PRKG1: variants seen among roughly 807,000 people sequenced by gnomAD.
The protein encoded by PRKG1 is cGMP-dependent protein kinase 1.
Under a neutral mutation model 88.1 loss-of-function variants are expected in PRKG1, and 35 were observed. The observed-to-expected ratio is 0.40, with a 90% CI of 0.30 to 0.53. The LOEUF is 0.53. Among genes scored for constraint, PRKG1 ranks in the 20% least tolerant of loss-of-function variants. The pLI is 0.59. For synonymous variants in PRKG1, 303 were observed against 292.5 expected (o/e 1.04, Z -0.37); for missense variants, 540 against 839.8 (o/e 0.64, Z 4.41).
chr10:51,602,948 G>C (rs534370629), intron 3 of PRKG1, among the ~76,000 whole-genome samples: 1 of 151,608 alleles, frequency 6.6e-6, no homozygotes, highest in African/African-American at 2.4e-5. Context: ...TTAACTTTTG[G>C]ATGAAATAAT....
intron 3 of PRKG1, among the ~76,000 whole-genome samples, chr10:51,546,305 G>A (rs1442235248): frequency 6.6e-6 from 1 of 151,972 alleles, no homozygotes; most frequent in African/African-American, 2.4e-5. Context: ...GAGTGACTAA[G>A]TAGTCGTCAT....
rs755475993 is a variant in PRKG1, at chr10:51,074,930, G to A, written c.311+29G>A. ...AGCAGGGGTGACGCGCCGGGTCCAT[G>A]TGGCGCCCTGGCGATGGGGAGCTGC... On this transcript the variant is annotated intron_variant, in intron 1 of 17. Transcript: ENST00000373980. The A allele has an allele frequency of 1.9e-6, 3 of 1,557,466 alleles. No homozygotes were observed. In the African/African-American group the frequency reaches 4.1e-5, roughly 21 times the overall value.
chr10:51,175,447 A>G (rs1421948672), intron 2 of PRKG1, among the ~76,000 whole-genome samples: 1 of 152,020 alleles, frequency 6.6e-6, no homozygotes. Flanking sequence ...TATCAAACAT[A>G]ATTTTATACT....
intron 5 of PRKG1, among the ~76,000 whole-genome samples, chr10:52,031,658 T>A (rs1845477550): frequency 6.6e-6 from 1 of 152,226 alleles, no homozygotes; most frequent in African/African-American, 2.4e-5. Context: ...TTATGCGTTC[T>A]AAGCATAAAG....
intron 2 of PRKG1, among the ~76,000 whole-genome samples, chr10:51,207,716 G>A (rs980235627): frequency 2.0e-5 from 3 of 152,116 alleles, no homozygotes; most frequent in Admixed American, 6.6e-5. Context: ...TTACAAGTAA[G>A]TGGAAGCCAA....
chr10:51,070,856 A>G (rs1231086977), upstream of PRKG1, among the ~76,000 whole-genome samples: 1 of 152,202 alleles, frequency 6.6e-6, no homozygotes, highest in Non-Finnish European at 1.5e-5. Context: ...AAAAAGGAAG[A>G]CTGCTGAAAA....
At chr10:51,758,154 G>A (rs1046644383) in intron 3 of PRKG1, among the ~76,000 whole-genome samples, 2 of 152,258 alleles carry the variant, frequency 1.3e-5, no homozygotes, top group East Asian at 3.9e-4. Context: ...TAAACTATGT[G>A]CTTATGTGAT....
At chr10:51,636,297 G>A (rs1839654426) in intron 3 of PRKG1, among the ~76,000 whole-genome samples, 1 of 152,120 alleles carries the variant, frequency 6.6e-6, no homozygotes, top group Non-Finnish European at 1.5e-5. Flanking sequence ...AGCTTCTTCA[G>A]CAGTCAGCTA....
In PRKG1 at chr10:52,054,471, T is replaced by C. The variant is rs769797166; in HGVS notation, c.763-13T>C. 3.7e-6 allele frequency: 6 copies of C among 1,608,240 alleles called. No individual in the cohort carries two copies. In the East Asian group the frequency reaches 1.3e-4, roughly 36 times the overall value. On this transcript the variant is annotated splice_polypyrimidine_tract_variant and intron_variant, in intron 5 of 17. Coordinates refer to ENST00000373980, the MANE Select transcript of PRKG1 (RefSeq NM_006258.4). ...CTTGCTTAATTTTTTTTCTTATTGT[T>C]TCTACTTTTCAGACCCACTATGAAA...
chr10:51,649,108 C>T (rs1037126004), intron 3 of PRKG1, among the ~76,000 whole-genome samples: 2 of 152,068 alleles, frequency 1.3e-5, no homozygotes, highest in Non-Finnish European at 2.9e-5. Flanking sequence ...ATCAGTTCTG[C>T]GTTTTTGGCG....
chr10:52,204,504 G>C (rs1839763757), intron 9 of PRKG1, among the ~76,000 whole-genome samples: 1 of 152,154 alleles, frequency 6.6e-6, no homozygotes, highest in South Asian at 2.1e-4. Context: ...AAATTGTGAA[G>C]ATTTCATGGA....
intron 2 of PRKG1, among the ~76,000 whole-genome samples, chr10:51,214,745 G>A (rs1199604689): frequency 2.0e-5 from 3 of 152,082 alleles, no homozygotes; most frequent in South Asian, 4.1e-4. Flanking sequence ...CCAAAGTGCT[G>A]GGATTACAGG....
At chr10:51,271,892 C>T (rs1839988438) in intron 2 of PRKG1, among the ~76,000 whole-genome samples, 1 of 152,136 alleles carries the variant, frequency 6.6e-6, no homozygotes, top group Non-Finnish European at 1.5e-5. Context: ...GTGCATGTGT[C>T]TTTATAGTAG....
At chr10:52,276,080 C>A (rs547314585) in intron 12 of PRKG1, among the ~76,000 whole-genome samples, 1 of 152,170 alleles carries the variant, frequency 6.6e-6, no homozygotes, top group African/African-American at 2.4e-5. Flanking sequence ...CTAGGAGCTT[C>A]CTGGAAGAGT....
intron 7 of PRKG1, among the ~76,000 whole-genome samples, chr10:52,077,499 A>T (rs1228533785): frequency 1.3e-5 from 2 of 152,178 alleles, no homozygotes; most frequent in African/African-American, 4.8e-5. Context: ...TTTGTAGATG[A>T]TGGATATTTT....
At chr10:51,374,267 C>T (rs1166429478) in intron 2 of PRKG1, among the ~76,000 whole-genome samples, 1 of 148,462 alleles carries the variant, frequency 6.7e-6, no homozygotes, top group African/African-American at 2.5e-5. Context: ...CGACAGGCCC[C>T]GGTGTGTTAT....
intron 7 of PRKG1, among the ~76,000 whole-genome samples, chr10:52,116,924 T>C (rs1847700295): frequency 6.6e-6 from 1 of 152,064 alleles, no homozygotes; most frequent in African/African-American, 2.4e-5. Context: ...ATTTGGTATT[T>C]TAAGCAATAT....
At chr10:52,034,404 T>A (rs1196704881) in intron 5 of PRKG1, among the ~76,000 whole-genome samples, 1 of 142,072 alleles carries the variant, frequency 7.0e-6, no homozygotes, top group African/African-American at 2.6e-5. Context: ...TAAGGGGTGA[T>A]ATTGTGGGGA....
At chr10:52,293,152 C>A (rs1447490956) in intron 17 of PRKG1, among the ~76,000 whole-genome samples, 6 of 149,876 alleles carry the variant, frequency 4.0e-5, no homozygotes, top group Non-Finnish European at 8.9e-5. Flanking sequence ...GAGTGAACTC[C>A]CATTCACAAT....
Sources: allele counts gnomAD v4.1 joint callset (sites outside exome capture counted in the v4.1 genomes callset), GRCh38; gene constraint gnomAD v4.1.1; transcripts MANE v1.5; gene names NCBI Gene and HGNC (gene_info 2026-07-23, HGNC 2026-07-21).